The following SKAP1 variants were observed in gnomAD, a reference collection of about 807,000 sequenced individuals.
SKAP1 encodes the protein src kinase-associated phosphoprotein 1.
A neutral mutation model predicts 58.5 loss-of-function variants in SKAP1; 44 were observed. The ratio of observed to expected loss-of-function variants is 0.75; its 90% CI spans 0.59 to 0.97. SKAP1 has a LOEUF of 0.97. Among genes scored for constraint, SKAP1 ranks in the 50% least tolerant of loss-of-function variants. SKAP1 has a pLI of 0.00. For synonymous variants in SKAP1, 127 were observed against 149.7 expected, an observed-to-expected ratio of 0.85 and a Z score of 1.11; for missense variants, 390 against 435.2, an observed-to-expected ratio of 0.90 and a Z score of 0.92.
At chr17:48,236,399 T>C (rs2065180977) in intron 4 of SKAP1, among the ~76,000 whole-genome samples, 2 of 152,226 alleles carry the variant, frequency 1.3e-5, no homozygotes, top group African/African-American at 4.8e-5. Context: ...ATTACATTAC[T>C]ATTATTGGAA....
chr17:48,143,534 G>C (rs1444755907), intron 11 of SKAP1, among the ~76,000 whole-genome samples: 1 of 152,086 alleles, frequency 6.6e-6, no homozygotes, highest in African/African-American at 2.4e-5. Flanking sequence ...CTTGGTACAA[G>C]ATATGTTACT....
intron 10 of SKAP1, among the ~76,000 whole-genome samples, chr17:48,170,258 A>G (rs1417584928): frequency 6.6e-6 from 1 of 152,180 alleles, no homozygotes; most frequent in Non-Finnish European, 1.5e-5. Flanking sequence ...AGACATTTCC[A>G]TTCTTTCCAT....
intron 6 of SKAP1, 63 bp downstream of exon 6, chr17:48,187,780 G>A (rs2064478232): frequency 8.5e-7 from 1 of 1,181,522 alleles, no homozygotes; most frequent in Non-Finnish European, 1.3e-6. Context: ...CTAAGTGCTT[G>A]AGAATTTACG....
chr17:48,303,552 T>C (rs2066091326), intron 4 of SKAP1, among the ~76,000 whole-genome samples: 1 of 152,216 alleles, frequency 6.6e-6, no homozygotes, highest in Non-Finnish European at 1.5e-5. Flanking sequence ...TAAGACCATA[T>C]TGAACACACA....
intron 11 of SKAP1, among the ~76,000 whole-genome samples, chr17:48,154,132 G>A (rs2063939675): frequency 2.0e-5 from 3 of 152,110 alleles, no homozygotes; most frequent in Admixed American, 6.5e-5. Flanking sequence ...GGAGAAAACC[G>A]GGTTAAAACT....
chr17:48,214,064 A>G (rs7225288), intron 4 of SKAP1, among the ~76,000 whole-genome samples: 24,458 of 152,280 alleles, frequency 0.16, 2,670 homozygotes, highest in African/African-American at 0.3. Flanking sequence ...ACAGCTTAGC[A>G]TTTCATAAAA....
rs1567820039 is a variant in SKAP1 at position 48,205,037 on chromosome 17, T to TTCTTTCTTTCTC, written c.281-15538_281-15537insGAGAAAGAAAGA. Among the ~76,000 whole-genome samples, 15 of 55,746 alleles carry TTCTTTCTTTCTC rather than the reference T, an allele frequency of 2.7e-4. No homozygotes were observed. The Admixed American group carries it at 3.3e-3, about 12-fold the overall frequency. The allele number at this position is 55,746 out of a possible 152,430, so 36.6% of individuals were successfully genotyped here. On this transcript the variant is annotated intron_variant, in intron 4 of 12. Coordinates refer to ENST00000336915, the MANE Select transcript of SKAP1 (RefSeq NM_003726.4). ...TCTTTTTCTTTCTTTCTTTCTTTCT[T>TTCTTTCTTTCTC]TCTCTCTCTCTCTTTCTTTCTTCTT...
At chr17:48,241,836 T>C (rs1427129623) in intron 4 of SKAP1, among the ~76,000 whole-genome samples, 1 of 152,180 alleles carries the variant, frequency 6.6e-6, no homozygotes, top group Non-Finnish European at 1.5e-5. Context: ...ACTGGGAGTT[T>C]TTTCCATTTT....
chr17:48,296,183 C>T (rs2065968127), intron 4 of SKAP1, among the ~76,000 whole-genome samples: 1 of 152,004 alleles, frequency 6.6e-6, no homozygotes, highest in African/African-American at 2.4e-5. Flanking sequence ...CTTTAATAAA[C>T]ATTTTTTTCT....
intron 3 of SKAP1, among the ~76,000 whole-genome samples, chr17:48,361,362 C>T (rs1371775869): frequency 6.6e-6 from 1 of 151,982 alleles, no homozygotes; most frequent in Admixed American, 6.6e-5. Context: ...TGCACCACCA[C>T]TCCCAGCTAA....
In SKAP1 at chr17:48,397,387, G is replaced by A. The variant is rs190565086; in HGVS notation, c.47-602C>T. The stretch of plus-strand genomic sequence containing the variant: ...ACTACAGGCGCATGCCGCCAAGCCC[G>A]GCTAATTTTTCGTATTTTAGTAGAG... On this transcript the variant is annotated intron_variant, in intron 1 of 12. Coordinates refer to ENST00000336915, the MANE Select transcript of SKAP1 (RefSeq NM_003726.4). Among the ~76,000 whole-genome samples the A allele has an allele frequency of 3.2e-3, 491 of 152,208 alleles. 3 individuals are homozygous for A. The highest frequency in any genetic ancestry group is 0.011 in the African/African-American group (461 of 41,544).
At chr17:48,205,069 T>C (rs973079688) in intron 4 of SKAP1, among the ~76,000 whole-genome samples, 2 of 143,106 alleles carry the variant, frequency 1.4e-5, no homozygotes, top group African/African-American at 5.2e-5. Flanking sequence ...TCTTTCTCTC[T>C]CTCTCTTTCT....
At chr17:48,327,175 G>T (rs2066449404) in intron 4 of SKAP1, among the ~76,000 whole-genome samples, 1 of 152,202 alleles carries the variant, frequency 6.6e-6, no homozygotes, top group African/African-American at 2.4e-5. Context: ...ACAGGCGTGA[G>T]CCACCGTGCC....
At chr17:48,148,973 G>A (rs1452262687) in intron 11 of SKAP1, among the ~76,000 whole-genome samples, 3 of 152,156 alleles carry the variant, frequency 2.0e-5, no homozygotes, top group Admixed American at 6.5e-5. Flanking sequence ...GCAGATGCTC[G>A]TTCTCTCTTA....
intron 4 of SKAP1, among the ~76,000 whole-genome samples, chr17:48,200,793 C>G (rs368414913): frequency 1.8e-4 from 28 of 152,326 alleles, no homozygotes; most frequent in African/African-American, 6.5e-4. Context: ...TTCTGGAAGC[C>G]TAAAGAAAAG....
At chr17:48,406,877 A>T (rs949806158) in intron 1 of SKAP1, among the ~76,000 whole-genome samples, 5 of 151,870 alleles carry the variant, frequency 3.3e-5, no homozygotes, top group African/African-American at 4.8e-5. Flanking sequence ...ATTTTTAAAA[A>T]TTTTTTGTAG....
chr17:48,441,932 A>G, the SKAP1 span, among the ~76,000 whole-genome samples: 1 of 152,156 alleles, frequency 6.6e-6, no homozygotes, highest in Non-Finnish European at 1.5e-5. Context: ...GAGATTTCCC[A>G]ACCTTTTCCA....
intron 4 of SKAP1, among the ~76,000 whole-genome samples, chr17:48,341,192 G>A (rs1311175591): frequency 2.0e-5 from 3 of 152,150 alleles, no homozygotes; most frequent in East Asian, 1.9e-4. Flanking sequence ...CCTATTACTA[G>A]ATGACTTTAT....
At chr17:48,148,168 G>A (rs2063854999) in intron 11 of SKAP1, among the ~76,000 whole-genome samples, 1 of 152,170 alleles carries the variant, frequency 6.6e-6, no homozygotes, top group Admixed American at 6.5e-5. Flanking sequence ...GGTGTGGAGG[G>A]CCTGTGCACA....
Sources: allele counts gnomAD v4.1 joint callset (sites outside exome capture counted in the v4.1 genomes callset), GRCh38; gene constraint gnomAD v4.1.1; transcripts MANE v1.5; gene names NCBI Gene and HGNC (gene_info 2026-07-23, HGNC 2026-07-21).